Variants in CALCRL observed in about 807,000 individuals in gnomAD.
The protein encoded by CALCRL is calcitonin receptor like receptor.
A neutral mutation model predicts 60.4 loss-of-function variants in CALCRL; 27 were observed. That is an observed-to-expected ratio of 0.45 (90% CI 0.33 to 0.62). CALCRL has a LOEUF of 0.62. CALCRL is among the 20% of genes least tolerant of loss of function. The pLI is 0.03. For missense variants in CALCRL, 424 were observed against 540.7 expected (o/e 0.78, Z 2.14); for synonymous variants, 190 against 182.6 (o/e 1.04, Z -0.33).
chr2:187,373,340 GA>G (rs1304948511), intron 8 of CALCRL, among the ~76,000 whole-genome samples: 6 of 152,106 alleles, frequency 3.9e-5, no homozygotes, highest in Non-Finnish European at 8.8e-5. Context: ...CCTTAATATT[GA>G]TTCAAAAATT....
At chr2:187,365,813 G>T (rs557744414) in intron 8 of CALCRL, among the ~76,000 whole-genome samples, 2 of 152,256 alleles carry the variant, frequency 1.3e-5, no homozygotes, top group East Asian at 3.9e-4. Flanking sequence ...AAGAAAGACT[G>T]CATGCTCTCA....
chr2:187,343,740 A>G lies in CALCRL; in HGVS notation c.*2444T>C, dbSNP rs1348394638. The G allele has an allele frequency of 1.3e-5, 2 of 151,750 alleles. No homozygotes were observed. The highest frequency in any genetic ancestry group is 3.0e-5 in the Non-Finnish European group (2 of 67,604). The allele number at this position is 151,750 out of a possible 1,614,324, so 9.4% of individuals were successfully genotyped here. ...CAGCAAAGAAGTTTGCTTTAAAAAA[A>G]GTGTCAGATTTACTTTGCTTTATGA... On this transcript the variant is annotated 3_prime_UTR_variant, in exon 15 of 15. Coordinates refer to ENST00000392370, the MANE Select transcript of CALCRL (RefSeq NM_005795.6).
At chr2:187,426,316 C>T (rs1372401526) in intron 1 of CALCRL, among the ~76,000 whole-genome samples, 1 of 151,108 alleles carries the variant, frequency 6.6e-6, no homozygotes, top group Non-Finnish European at 1.5e-5. Flanking sequence ...AAATCTTTAC[C>T]CTGCTCTAAA....
chr2:187,409,009 C>A (rs1689249292), intron 1 of CALCRL, among the ~76,000 whole-genome samples: 1 of 152,144 alleles, frequency 6.6e-6, no homozygotes, highest in African/African-American at 2.4e-5. Context: ...ATGTTCACAA[C>A]TACTCTTGGT....
chr2:187,367,033 C>A (rs1464891979), intron 8 of CALCRL, among the ~76,000 whole-genome samples: 2 of 151,384 alleles, frequency 1.3e-5, no homozygotes, highest in Non-Finnish European at 2.9e-5. Flanking sequence ...CAAACAATAT[C>A]ATTATGGGCA....
chr2:187,349,512 G>A (rs698592), intron 14 of CALCRL, among the ~76,000 whole-genome samples: 48,244 of 151,234 alleles, frequency 0.32, 7,874 homozygotes, highest in Middle Eastern at 0.42. Context: ...AAAGTAAGAG[G>A]CATTGAGACA....
At chr2:187,413,734 G>A (rs1175366373) in intron 1 of CALCRL, among the ~76,000 whole-genome samples, 1 of 152,148 alleles carries the variant, frequency 6.6e-6, no homozygotes, top group Non-Finnish European at 1.5e-5. Flanking sequence ...TTATATTTCA[G>A]TAGATGTAAA....
At chr2:187,347,626 A>AACACAC (rs377039086) in intron 14 of CALCRL, among the ~76,000 whole-genome samples, 1 of 150,462 alleles carries the variant, frequency 6.6e-6, no homozygotes, top group African/African-American at 2.4e-5. Flanking sequence ...AATGGATTAA[A>AACACAC]ACACACACAC....
In CALCRL at chr2:187,387,772, A is replaced by G; in HGVS notation, c.-292-16T>C. 1 of 395,876 alleles carries G rather than the reference A, an allele frequency of 2.5e-6. No homozygotes were observed. The highest frequency in any genetic ancestry group is 4.5e-6 in the Non-Finnish European group (1 of 224,368). The allele number at this position is 395,876 out of a possible 1,614,324, so 24.5% of individuals were successfully genotyped here. On this transcript the variant is annotated splice_polypyrimidine_tract_variant and intron_variant, in intron 1 of 14. Coordinates refer to ENST00000392370, the MANE Select transcript of CALCRL (RefSeq NM_005795.6). ...GGGTCAAGACCTGAAATATTGATGA[A>G]TGTAATAATTTAATATTATGCTAAT...
At chr2:187,430,082 A>C (rs1015524656) in intron 1 of CALCRL, among the ~76,000 whole-genome samples, 2 of 152,162 alleles carry the variant, frequency 1.3e-5, no homozygotes, top group Non-Finnish European at 2.9e-5. Flanking sequence ...TCACATAAAA[A>C]CCATCAGGAA....
At chr2:187,397,951 T>G (rs1006613240) in intron 1 of CALCRL, among the ~76,000 whole-genome samples, 1 of 151,748 alleles carries the variant, frequency 6.6e-6, no homozygotes, top group East Asian at 1.9e-4. Flanking sequence ...TAAAGAGAGA[T>G]AATTTTGTGA....
Position 187,342,569 on chromosome 2 carries a change from CT to C in CALCRL, c.*3614del, listed in dbSNP as rs1248031011. The stretch of plus-strand genomic sequence containing the variant: ...ATATTTTTAATCAAGAATATTCTTT[CT>C]TTGAGATTAGTATAATCACAAGGAG... On this transcript the variant is annotated 3_prime_UTR_variant, in exon 15 of 15. Transcript: ENST00000392370. Among the ~76,000 whole-genome samples, 1 of 151,360 alleles carries C rather than the reference CT, an allele frequency of 6.6e-6. No individual in the cohort carries two copies. The highest frequency in any genetic ancestry group is 1.5e-5 in the Non-Finnish European group (1 of 67,574).
intron 1 of CALCRL, among the ~76,000 whole-genome samples, chr2:187,437,864 T>C (rs1471592457): frequency 6.6e-6 from 1 of 152,152 alleles, no homozygotes; most frequent in Non-Finnish European, 1.5e-5. Context: ...AGTGTGCTGC[T>C]TATGATTTAA....
Position 187,342,329 on chromosome 2 carries a change from G to A in CALCRL, c.*3855C>T, listed in dbSNP as rs941967612. 7.9e-5 allele frequency among the ~76,000 whole-genome samples: 12 copies of A among 151,656 alleles called. No individual in the cohort carries two copies. Among genetic ancestry groups the A allele is most frequent in the African/African-American group, 2.4e-4 (10 of 41,388 alleles). On this transcript the variant is annotated 3_prime_UTR_variant, in exon 15 of 15. Coordinates refer to ENST00000392370, the MANE Select transcript of CALCRL (RefSeq NM_005795.6). ...ATGTAATGAAATTGGTGATGGTAGC[G>A]TGTCTCTATGGATGTATTAAAATAT...
chr2:187,399,345 A>G, intron 1 of CALCRL, among the ~76,000 whole-genome samples: 1 of 151,498 alleles, frequency 6.6e-6, no homozygotes, highest in East Asian at 1.9e-4. Flanking sequence ...TCCACAACTA[A>G]TATGTACCTA....
At chr2:187,432,382 AT>A (rs1370375606) in intron 1 of CALCRL, among the ~76,000 whole-genome samples, 2 of 152,146 alleles carry the variant, frequency 1.3e-5, no homozygotes, top group South Asian at 4.1e-4. Flanking sequence ...TCATAATGAC[AT>A]TTGAAAGGCT....
intron 1 of CALCRL, among the ~76,000 whole-genome samples, chr2:187,409,867 A>C (rs1574289914): frequency 6.6e-6 from 1 of 152,254 alleles, no homozygotes; most frequent in Non-Finnish European, 1.5e-5. Context: ...TGGAGGGATG[A>C]GAAAAACATA....
chr2:187,347,780 C>A (rs1412766409), intron 14 of CALCRL, among the ~76,000 whole-genome samples: 1 of 151,670 alleles, frequency 6.6e-6, no homozygotes, highest in East Asian at 1.9e-4. Flanking sequence ...TTAAAATAAA[C>A]TCAAAGTTTT....
chr2:187,439,650 A>G (rs931544640), intron 1 of CALCRL, among the ~76,000 whole-genome samples: 3 of 152,190 alleles, frequency 2.0e-5, no homozygotes, highest in Admixed American at 1.3e-4. Context: ...TTAAATAATC[A>G]TCGATGTAAG....
Sources: gnomAD v4.1 joint callset for allele counts (sites outside exome capture counted in the v4.1 genomes callset) on GRCh38, gnomAD v4.1.1 for gene constraint, MANE v1.5 for transcripts, NCBI Gene and HGNC (gene_info 2026-07-23, HGNC 2026-07-21) for gene names.